Variants in SIPA1L1 observed in about 807,000 individuals in gnomAD.
SIPA1L1 encodes the protein signal induced proliferation associated 1 like 1.
A neutral mutation model predicts 162.7 loss-of-function variants in SIPA1L1; 26 were observed. The ratio of observed to expected loss-of-function variants is 0.16; its 90% CI spans 0.12 to 0.22. The LOEUF is 0.22. Among genes scored for constraint, SIPA1L1 ranks in the 10% least tolerant of loss-of-function variants. The pLI is 1.00. For missense variants in SIPA1L1, 1,874 were observed against 2,241.0 expected (o/e 0.84, Z 3.31); for synonymous variants, 829 against 837.4 (o/e 0.99, Z 0.17).
chr14:71,618,845 T>C lies in SIPA1L1; in HGVS notation c.1587T>C (p.Asn529=). The stretch of plus-strand genomic sequence containing the variant: ...AAAAACCAGATGAAATGAAAGAAAA[T>C]GGATCTCCGTACAACTACCGAATAA... The part of the protein sequence containing the change: ...RREKPDEMKE[N]GSPYNYRIIF... Residue 529 remains asparagine, a synonymous_variant, in exon 6 of 24, where the codon AAT becomes AAC. Transcript: ENST00000381232. 1.2e-6 allele frequency: 2 copies of C among 1,613,934 alleles called. No individual in the cohort carries two copies. Among genetic ancestry groups the C allele is most frequent in the Non-Finnish European group, 1.7e-6 (2 of 1,179,894 alleles).
chr14:71,650,431 G>C lies in SIPA1L1; in HGVS notation c.1915G>C (p.Glu639Gln). 1 of 1,614,196 alleles carries C rather than the reference G, an allele frequency of 6.2e-7. No individual in the cohort carries two copies. Residue 639 changes from glutamate to glutamine, a missense_variant, in exon 8 of 24, where the codon GAA becomes CAA. By Grantham distance (29) the Glu-to-Gln change is conservative (BLOSUM62 2). Around this residue, in one of 5 missense-constraint regions of SIPA1L1, gnomAD observed 685 missense variants for 828.0 expected, o/e 0.83. Transcript: ENST00000381232. ...CAATGAGTCAGCTGGCCCAGCCTTT[G>C]AAGAATTTCTTCAACTATTGGGAGA... ...YNNESAGPAF[E>Q]EFLQLLGERV... is the part of the protein sequence containing the mutation.
intron 2 of SIPA1L1, among the ~76,000 whole-genome samples, chr14:71,458,349 C>G (rs749078404): frequency 6.6e-6 from 1 of 152,138 alleles, no homozygotes; most frequent in African/African-American, 2.4e-5. Context: ...AATTTTAGAA[C>G]CTTTTGAGCA....
intron 5 of SIPA1L1, among the ~76,000 whole-genome samples, chr14:71,600,111 C>G (rs138788403): frequency 8.5e-5 from 13 of 152,192 alleles, no homozygotes; most frequent in African/African-American, 3.1e-4. Context: ...AAGCTTTTTA[C>G]TTTAGTATAG....
intron 4 of SIPA1L1, among the ~76,000 whole-genome samples, chr14:71,544,096 C>A (rs527345725): frequency 2.8e-5 from 4 of 142,740 alleles, no homozygotes; most frequent in East Asian, 2.0e-4. Context: ...TATATACACA[C>A]GCACATGTAT....
At chr14:71,662,263 G>A (rs1405310460) in intron 10 of SIPA1L1, among the ~76,000 whole-genome samples, 1 of 152,186 alleles carries the variant, frequency 6.6e-6, no homozygotes, top group Admixed American at 6.5e-5. Flanking sequence ...TATATTTCTA[G>A]GAGTAAGGCA....
At chr14:71,673,499 C>T (rs1352469982) in intron 12 of SIPA1L1, among the ~76,000 whole-genome samples, 1 of 152,104 alleles carries the variant, frequency 6.6e-6, no homozygotes, top group Admixed American at 6.5e-5. Flanking sequence ...CACCTGAGCT[C>T]TCATGGATTT....
intron 12 of SIPA1L1, among the ~76,000 whole-genome samples, chr14:71,675,897 G>T (rs1344979162): frequency 6.6e-6 from 1 of 152,244 alleles, no homozygotes. Flanking sequence ...ATGGATTTGT[G>T]TGTTCACATG....
Position 71,501,189 on chromosome 14 carries a change from T to C in SIPA1L1, c.-464-11554T>C, listed in dbSNP as rs375590734. On this transcript the variant is annotated intron_variant, in intron 2 of 23. Transcript: ENST00000381232. ...TTTAAAAATTAGCTGGGTGCAGTGG[T>C]GTGCATCTGTGGTCCCAGCTACTTG... 3.6e-4 allele frequency among the ~76,000 whole-genome samples: 55 copies of C among 152,054 alleles called. No individual in the cohort carries two copies. The East Asian group carries it at 4.9e-3, about 13-fold the overall frequency.
chr14:71,630,121 G>A (rs141867866), intron 7 of SIPA1L1, among the ~76,000 whole-genome samples: 37 of 152,234 alleles, frequency 2.4e-4, no homozygotes, highest in Admixed American at 3.9e-4. Flanking sequence ...AATTTTAATC[G>A]TCTCTTAGAT....
At chr14:71,352,563 C>A (rs2036825767) in intron 2 of SIPA1L1, among the ~76,000 whole-genome samples, 1 of 152,138 alleles carries the variant, frequency 6.6e-6, no homozygotes, top group African/African-American at 2.4e-5. Flanking sequence ...TATGCTCTTA[C>A]AAGTATTTGT....
intron 2 of SIPA1L1, among the ~76,000 whole-genome samples, chr14:71,399,176 G>C (rs959813930): frequency 8.5e-5 from 13 of 152,166 alleles, no homozygotes. Context: ...TCCTGTTTCA[G>C]CTGTGAACTT....
At chr14:71,587,154 ACT>A (rs1472824771) in intron 4 of SIPA1L1, among the ~76,000 whole-genome samples, 1 of 152,254 alleles carries the variant, frequency 6.6e-6, no homozygotes, top group East Asian at 1.9e-4. Context: ...TTGTCAAAAA[ACT>A]CTGTTGCTCT....
At chr14:71,455,862 T>C (rs538005735) in intron 2 of SIPA1L1, among the ~76,000 whole-genome samples, 1 of 152,330 alleles carries the variant, frequency 6.6e-6, no homozygotes, top group South Asian at 2.1e-4. Flanking sequence ...TCCCTTCACA[T>C]ATTACGGTAG....
chr14:71,480,848 T>C (rs1412003743), intron 2 of SIPA1L1, among the ~76,000 whole-genome samples: 1 of 152,192 alleles, frequency 6.6e-6, no homozygotes, highest in African/African-American at 2.4e-5. Context: ...AAGAACAAAC[T>C]AGAAACCTTT....
chr14:71,470,176 C>T (rs2047339868), intron 2 of SIPA1L1, among the ~76,000 whole-genome samples: 1 of 152,144 alleles, frequency 6.6e-6, no homozygotes, highest in Non-Finnish European at 1.5e-5. Context: ...TTATGAAGAA[C>T]CTTTGAATGT....
intron 18 of SIPA1L1, among the ~76,000 whole-genome samples, 192 bp from the exon 19 acceptor site, chr14:71,724,478 G>A (rs1430657658): frequency 6.6e-6 from 1 of 152,106 alleles, no homozygotes; most frequent in Non-Finnish European, 1.5e-5. Flanking sequence ...TTTATTTTGT[G>A]TTTCAAATTG....
rs186837730 is a variant in SIPA1L1 at position 71,579,105 on chromosome 14, C to T, written c.-302-8466C>T. ...TGTATGCAGTTATGATTGAATATTACGTCTTTACATTTGTTTACATTTCTC... is the reference window on the plus strand; with the variant it reads ...TGTATGCAGTTATGATTGAATATTATGTCTTTACATTTGTTTACATTTCTC... On this transcript the variant is annotated intron_variant, in intron 4 of 23. Coordinates refer to ENST00000381232, the MANE Select transcript of SIPA1L1 (RefSeq NM_001386936.1). Among the ~76,000 whole-genome samples, 417 of 152,262 alleles carry T rather than the reference C, an allele frequency of 2.7e-3. 1 individual carries two copies. Among genetic ancestry groups the T allele is most frequent in the African/African-American group, 9.0e-3 (375 of 41,552 alleles).
intron 2 of SIPA1L1, among the ~76,000 whole-genome samples, chr14:71,368,142 C>CTTTTTTTTTTTTTTTTTTTTTTTTTTTTT (rs755238643): frequency 8.7e-6 from 1 of 115,184 alleles, no homozygotes; most frequent in Non-Finnish European, 1.8e-5. Context: ...TTGTGGTATT[C>CTTTTTTTTTTTTTTTTTTTTTTTTTTTTT]TTTTTTTTTT....
At chr14:71,432,913 A>G (rs183048921) in intron 2 of SIPA1L1, among the ~76,000 whole-genome samples, 1 of 152,328 alleles carries the variant, frequency 6.6e-6, no homozygotes, top group Non-Finnish European at 1.5e-5. Flanking sequence ...ATAGGAAGTA[A>G]ATGTTACAGG....
Sources: gnomAD v4.1 joint callset for allele counts (sites outside exome capture counted in the v4.1 genomes callset) on GRCh38, gnomAD v4.1.1 for gene constraint, gnomAD v4.1.1 regional missense constraint, MANE v1.5 for transcripts, NCBI Gene and HGNC (gene_info 2026-07-23, HGNC 2026-07-21) for gene names.